BCAS4: variants seen among roughly 807,000 people sequenced by gnomAD.
The protein encoded by BCAS4 is breast carcinoma amplified sequence 4, also known as breast carcinoma-amplified sequence 4.
A neutral mutation model predicts 15.7 loss-of-function variants in BCAS4; 9 were observed. The ratio of observed to expected loss-of-function variants is 0.57; its 90% CI spans 0.34 to 1.00. BCAS4 has a LOEUF of 1.00. Ranked by LOEUF, BCAS4 falls within the 50% of genes least tolerant of loss-of-function variation. The pLI is 0.02. For missense variants in BCAS4, 225 were observed against 239.1 expected (o/e 0.94, Z 0.39); for synonymous variants, 101 against 99.5 (o/e 1.02, Z -0.09).
At position 50,851,372 on chromosome 20, in the gene BCAS4, C is replaced by T. The variant is rs114086889; in HGVS notation, c.399+9472C>T. ...CCTACCAGCCCCCTCCCCACGGCTC[C>T]CAGGGACCTCCCGGGTTCGTTTCCT... On this transcript the variant is annotated intron_variant, in intron 4 of 4. Coordinates refer to ENST00000371608, the MANE Select transcript of BCAS4 (RefSeq NM_198799.4). The surrounding 1 kb of genome is among the most constrained non-coding windows in gnomAD (Gnocchi z 4.3). Among the ~76,000 whole-genome samples, 3,540 of 152,254 alleles carry T rather than the reference C, an allele frequency of 0.023. 53 individuals are homozygous for T. The highest frequency in any genetic ancestry group is 0.049 in the East Asian group (256 of 5,172).
intron 1 of BCAS4, among the ~76,000 whole-genome samples, chr20:50,810,160 T>C (rs756106667): frequency 1.9e-4 from 29 of 151,566 alleles, no homozygotes; most frequent in Non-Finnish European, 2.8e-4. Context: ...ATTAAGTTAT[T>C]ATTGAATCTA....
chr20:50,879,993 G>A (rs935351091), downstream of BCAS4: 4 of 152,542 alleles, frequency 2.6e-5, no homozygotes, highest in African/African-American at 7.2e-5. Flanking sequence ...TGGGGAAAGG[G>A]TTGATTGTCC....
intron 3 of BCAS4, among the ~76,000 whole-genome samples, chr20:50,835,267 A>G (rs1426092517): frequency 7.6e-6 from 1 of 131,214 alleles, no homozygotes; most frequent in African/African-American, 3.1e-5. Context: ...TTTTTTTGAG[A>G]TGGAGTCTTG....
chr20:50,839,829 C>A (rs902200253), intron 3 of BCAS4, among the ~76,000 whole-genome samples: 2 of 152,084 alleles, frequency 1.3e-5, no homozygotes, highest in African/African-American at 4.8e-5. Flanking sequence ...TGTTTTTAAT[C>A]CCCATTTTTC....
chr20:50,839,111 G>A (rs547384719), intron 3 of BCAS4, among the ~76,000 whole-genome samples: 1 of 152,354 alleles, frequency 6.6e-6, no homozygotes, highest in East Asian at 1.9e-4. Flanking sequence ...CAGCACTGAG[G>A]TGTCCTCATT....
Position 50,819,634 on chromosome 20 carries a change from C to T in BCAS4, c.162+1352C>T, listed in dbSNP as rs75997871. Among the ~76,000 whole-genome samples the T allele has an allele frequency of 7.8e-3, 1,180 of 152,128 alleles. 10 individuals carry two copies. The highest frequency in any genetic ancestry group is 0.02 in the African/African-American group (842 of 41,492). On this transcript the variant is annotated intron_variant, in intron 2 of 4. Coordinates refer to ENST00000371608, the MANE Select transcript of BCAS4 (RefSeq NM_198799.4). ...AGCCTCTAGGGTCACAGCAGAAATC[C>T]CAAGAGGACCTATATGGTTTCTTCT... is the stretch of plus-strand genomic sequence containing the variant.
intron 4 of BCAS4, among the ~76,000 whole-genome samples, chr20:50,856,185 C>G (rs1192481970): frequency 6.6e-6 from 1 of 152,246 alleles, no homozygotes; most frequent in African/African-American, 2.4e-5. Context: ...TCAGTGCAGA[C>G]TCCTGCCTGC....
At chr20:50,799,688 T>TA (rs2123743301) in intron 1 of BCAS4, among the ~76,000 whole-genome samples, 1 of 152,300 alleles carries the variant, frequency 6.6e-6, no homozygotes, top group African/African-American at 2.4e-5. Flanking sequence ...ATGTGCCAAG[T>TA]CTTTCCTGGA....
At chr20:50,836,574 C>T (rs1031364094) in intron 3 of BCAS4, among the ~76,000 whole-genome samples, 1 of 152,088 alleles carries the variant, frequency 6.6e-6, no homozygotes, top group African/African-American at 2.4e-5. Flanking sequence ...CCCTGCCAGC[C>T]GGGGGTCCTG....
intron 2 of BCAS4, among the ~76,000 whole-genome samples, chr20:50,827,079 G>C (rs1422065122): frequency 6.6e-6 from 1 of 152,142 alleles, no homozygotes; most frequent in Admixed American, 6.5e-5. Context: ...TGAACTCCAC[G>C]CTTTGTTTTG....
At chr20:50,801,630 C>T (rs191160853) in intron 1 of BCAS4, among the ~76,000 whole-genome samples, 75 of 152,262 alleles carry the variant, frequency 4.9e-4, no homozygotes, top group Middle Eastern at 3.4e-3. Flanking sequence ...CATGAGCCAC[C>T]GCACCTGGCC....
downstream of BCAS4, chr20:50,880,383 T>G (rs1980095888): frequency 6.6e-6 from 1 of 152,264 alleles, no homozygotes; most frequent in Admixed American, 6.5e-5. Context: ...GCAAAGTGCC[T>G]GACATTTCCA....
At position 50,798,205 on chromosome 20, in the gene BCAS4, A is replaced by C. The variant is rs148513009; in HGVS notation, c.90+3032A>C. ...CAGCTACTTGGGAGGCTGAGGCATA[A>C]GAAACGCTTGAACCTGGGAGGTGGA... On this transcript the variant is annotated intron_variant, in intron 1 of 4. Coordinates refer to ENST00000371608, the MANE Select transcript of BCAS4 (RefSeq NM_198799.4). Among the ~76,000 whole-genome samples, 336 of 152,208 alleles carry C rather than the reference A, an allele frequency of 2.2e-3. 2 individuals carry two copies. Among genetic ancestry groups the C allele is most frequent in the African/African-American group, 7.8e-3 (324 of 41,550 alleles).
At chr20:50,819,162 G>A (rs569578350) in intron 2 of BCAS4, among the ~76,000 whole-genome samples, 1 of 150,270 alleles carries the variant, frequency 6.7e-6, no homozygotes, top group East Asian at 1.9e-4. Context: ...CAGCCTGGGT[G>A]ATAGATCAAG....
chr20:50,841,754 C>T lies in BCAS4; in HGVS notation c.265-12C>T, dbSNP rs367585023. The T allele has an allele frequency of 1.4e-5, 23 of 1,613,842 alleles. No homozygotes were observed. Among genetic ancestry groups the T allele is most frequent in the Middle Eastern group, 1.6e-4 (1 of 6,084 alleles). Reference sequence around the variant, plus strand: ...CACAGATGCGGCATCATGGCTTCTCCGTGTCCCTCAGGCCTTCGTCAAGAT... The same window carrying T: ...CACAGATGCGGCATCATGGCTTCTCTGTGTCCCTCAGGCCTTCGTCAAGAT... On this transcript the variant is annotated splice_polypyrimidine_tract_variant and intron_variant, in intron 3 of 4. Transcript: ENST00000371608.
At chr20:50,853,666 A>G (rs997077394) in intron 4 of BCAS4, among the ~76,000 whole-genome samples, 4 of 13,654 alleles carry the variant, frequency 2.9e-4, no homozygotes, top group African/African-American at 8.6e-4. Flanking sequence ...TGCTGTGGGG[A>G]CCATTTTGTG....
intron 4 of BCAS4, among the ~76,000 whole-genome samples, chr20:50,870,682 C>T (rs538308992): frequency 2.0e-5 from 3 of 152,370 alleles, no homozygotes; most frequent in South Asian, 4.1e-4. Flanking sequence ...CTGCTTTTCA[C>T]GGGAAATCTG....
At chr20:50,828,258 A>G (rs1029095444) in intron 2 of BCAS4, among the ~76,000 whole-genome samples, 11 of 151,814 alleles carry the variant, frequency 7.2e-5, no homozygotes, top group Admixed American at 6.6e-4. Context: ...GCCCAGAGAG[A>G]TGGCAGTGCT....
At chr20:50,818,378 C>A in intron 2 of BCAS4, 96 bp downstream of exon 2, 2 of 1,231,748 alleles carry the variant, frequency 1.6e-6, no homozygotes, top group Non-Finnish European at 1.2e-6. Flanking sequence ...GGTGAGTTAG[C>A]AACCAGGAGG....
Sources: gnomAD v4.1 joint callset for allele counts (sites outside exome capture counted in the v4.1 genomes callset) on GRCh38, gnomAD v4.1.1 for gene constraint, Gnocchi (gnomAD v3.1) non-coding constraint, MANE v1.5 for transcripts, NCBI Gene and HGNC (gene_info 2026-07-23, HGNC 2026-07-21) for gene names.